Variants in HMGB1 observed in about 807,000 individuals in gnomAD.
The protein encoded by HMGB1 is high mobility group protein B1.
For missense variants in HMGB1, 79 were observed against 253.5 expected, an observed-to-expected ratio of 0.31 and a Z score of 4.67; for synonymous variants, 81 against 84.0, an observed-to-expected ratio of 0.96 and a Z score of 0.19.
chr13:30,557,250 T>C (rs547153503), intron 1 of HMGB1, among the ~76,000 whole-genome samples: 49 of 152,344 alleles, frequency 3.2e-4, no homozygotes, highest in African/African-American at 1.1e-3. Context: ...GGTATCTTTT[T>C]CCATGTTTTC....
chr13:30,577,602 C>T (rs1413931780), intron 1 of HMGB1, among the ~76,000 whole-genome samples: 1 of 152,218 alleles, frequency 6.6e-6, no homozygotes, highest in African/African-American at 2.4e-5. Context: ...CTAGCAGTAT[C>T]ACTGTGGGTT....
chr13:30,606,777 C>T (rs1262649219), intron 1 of HMGB1, among the ~76,000 whole-genome samples: 1 of 152,182 alleles, frequency 6.6e-6, no homozygotes, highest in Admixed American at 6.5e-5. Context: ...ACTGACCTAA[C>T]AATGCTTATG....
At chr13:30,531,726 T>C (rs1167795651) in intron 1 of HMGB1, among the ~76,000 whole-genome samples, 1 of 150,876 alleles carries the variant, frequency 6.6e-6, no homozygotes, top group Non-Finnish European at 1.5e-5. Context: ...ATGGTGAAAC[T>C]CTACTACTAA....
chr13:30,566,624 C>A (rs1314780037), intron 1 of HMGB1, among the ~76,000 whole-genome samples: 1 of 152,198 alleles, frequency 6.6e-6, no homozygotes, highest in Non-Finnish European at 1.5e-5. Context: ...TGCTCTGAAG[C>A]AATGATATCT....
intron 1 of HMGB1, among the ~76,000 whole-genome samples, chr13:30,538,515 C>A (rs1593297379): frequency 2.4e-5 from 3 of 123,930 alleles, no homozygotes; most frequent in African/African-American, 1.1e-4. Context: ...TCTTTCCTTT[C>A]TTTCTTTCCT....
At chr13:30,597,327 A>G (rs9506342) in intron 1 of HMGB1, among the ~76,000 whole-genome samples, 25,597 of 152,206 alleles carry the variant, frequency 0.17, 2,782 homozygotes, top group Middle Eastern at 0.3. Context: ...AGGGACACCA[A>G]AGATTTTCAG....
chr13:30,465,847 G>T lies in HMGB1; in HGVS notation c.-66C>A. 2.0e-6 allele frequency: 2 copies of T among 985,496 alleles called. No individual in the cohort carries two copies. Among genetic ancestry groups the T allele is most frequent in the Non-Finnish European group, 2.4e-6 (2 of 829,638 alleles). The allele number at this position is 985,496 out of a possible 1,614,324, so 61.0% of individuals were successfully genotyped here. A position where few individuals can be genotyped will look rare whatever the true frequency, so the allele number is the denominator to read the frequency against. On this transcript the variant is annotated 5_prime_UTR_variant, in exon 1 of 5. Coordinates refer to ENST00000341423, the MANE Select transcript of HMGB1 (RefSeq NM_002128.7). Reference sequence around the variant, plus strand: ...TGCCCGTCCGGCTCTCACTTGCCCCGGTGCTGTCTCTATGGAGCTCAATGT... The same window carrying T: ...TGCCCGTCCGGCTCTCACTTGCCCCTGTGCTGTCTCTATGGAGCTCAATGT...
intron 2 of HMGB1, 56 bp downstream of exon 2, chr13:30,463,475 C>G (rs568042384): frequency 6.4e-7 from 1 of 1,558,442 alleles, no homozygotes; most frequent in African/African-American, 1.4e-5. Context: ...TTTTTTGCAT[C>G]CTCAATTGGA....
intron 1 of HMGB1, among the ~76,000 whole-genome samples, chr13:30,560,080 G>T (rs931654761): frequency 6.6e-6 from 1 of 152,114 alleles, no homozygotes; most frequent in Admixed American, 6.5e-5. Context: ...CTTGTATCCT[G>T]TAGCAATGAG....
intron 1 of HMGB1, among the ~76,000 whole-genome samples, chr13:30,539,429 G>A (rs979173589): frequency 3.9e-5 from 6 of 152,192 alleles, no homozygotes; most frequent in South Asian, 2.1e-4. Context: ...CTTTGAACAC[G>A]TGTAGAGAAG....
intron 1 of HMGB1, among the ~76,000 whole-genome samples, chr13:30,496,729 C>T (rs1218323480): frequency 6.6e-6 from 1 of 152,088 alleles, no homozygotes; most frequent in African/African-American, 2.4e-5. Flanking sequence ...ATTGCTTGTC[C>T]AGGCAAATTT....
rs1470267149 is a variant in HMGB1 at position 30,461,402 on chromosome 13, T to C, written c.603A>G (p.Glu201=). 7 of 1,578,616 alleles carry C rather than the reference T, an allele frequency of 4.4e-6. No homozygotes were observed. The Admixed American group carries it at 9.7e-5, about 22-fold the overall frequency. The change falls in exon 5 of 5, where the codon GAA becomes GAG. Residue 201 remains glutamate, a synonymous_variant. Coordinates refer to ENST00000341423, the MANE Select transcript of HMGB1 (RefSeq NM_002128.7). ...CTTCTTCATCTTCATCTTCTTCATC[T>C]TCCTCCTCCTCCTCATCCTCTTCAT... ...EEDEEDEEEE[E]DEEDEDEEED...
chr13:30,602,748 G>C (rs750262758), intron 1 of HMGB1, among the ~76,000 whole-genome samples: 1 of 152,154 alleles, frequency 6.6e-6, no homozygotes. Context: ...CTAAATAATT[G>C]TTCTTCCTCA....
intron 1 of HMGB1, chr13:30,542,133 C>G (rs566795961): frequency 1.9e-4 from 30 of 154,772 alleles, no homozygotes; most frequent in Admixed American, 1.8e-3. Context: ...CGCCTGCTCT[C>G]CGCAGGCTCT....
Position 30,459,003 on chromosome 13 carries a change from A to G in HMGB1, c.*2354T>C, listed in dbSNP as rs1886134620. On this transcript the variant is annotated 3_prime_UTR_variant, in exon 5 of 5. Coordinates refer to ENST00000341423, the MANE Select transcript of HMGB1 (RefSeq NM_002128.7). Reference sequence around the variant, plus strand: ...AACTAAGATTTATACATCTTAGTTCATTAGTTTTAAAAAGCATCTTCATTT... The same window carrying G: ...AACTAAGATTTATACATCTTAGTTCGTTAGTTTTAAAAAGCATCTTCATTT... 6.6e-6 allele frequency: 1 copy of G among 152,196 alleles called. No homozygotes were observed. The highest frequency in any genetic ancestry group is 2.4e-5 in the African/African-American group (1 of 41,460). The allele number at this position is 152,196 out of a possible 1,614,324, so 9.4% of individuals were successfully genotyped here. A position where few individuals can be genotyped will look rare whatever the true frequency, so the allele number is the denominator to read the frequency against.
chr13:30,615,012 G>A (rs1340387776), intron 1 of HMGB1, among the ~76,000 whole-genome samples: 1 of 151,822 alleles, frequency 6.6e-6, no homozygotes. Flanking sequence ...GCCCGGCCGA[G>A]TTGTCATGTT....
chr13:30,521,351 G>C (rs1172903542), intron 1 of HMGB1, among the ~76,000 whole-genome samples: 2 of 152,080 alleles, frequency 1.3e-5, no homozygotes, highest in East Asian at 3.8e-4. Context: ...AGAAATCCTG[G>C]ACCAATTAGT....
intron 1 of HMGB1, among the ~76,000 whole-genome samples, chr13:30,583,839 A>AAAAAAAAAGAAAGAAAGAAAG (rs1555242864): frequency 7.3e-6 from 1 of 137,666 alleles, no homozygotes; most frequent in African/African-American, 2.9e-5. Context: ...AAAAAAAAAA[A>AAAAAAAAAGAAAGAAAGAAAG]AAAGAAAGAA....
At chr13:30,525,864 C>A (rs1209749419) in intron 1 of HMGB1, among the ~76,000 whole-genome samples, 1 of 142,652 alleles carries the variant, frequency 7.0e-6, no homozygotes, top group Non-Finnish European at 1.5e-5. Flanking sequence ...TGTGGGGGGA[C>A]ACAAAGCCTA....
Sources: gnomAD v4.1 joint callset for allele counts (sites outside exome capture counted in the v4.1 genomes callset) on GRCh38, gnomAD v4.1.1 for gene constraint, MANE v1.5 for transcripts, NCBI Gene and HGNC (gene_info 2026-07-23, HGNC 2026-07-21) for gene names.